Variants in PTPRD observed in about 807,000 individuals in gnomAD.
PTPRD encodes the protein receptor-type tyrosine-protein phosphatase delta.
Under a neutral mutation model 214.5 loss-of-function variants are expected in PTPRD, and 34 were observed. That is an observed-to-expected ratio of 0.16 (90% CI 0.12 to 0.21). PTPRD has a LOEUF of 0.21. Among genes scored for constraint, PTPRD ranks in the 10% least tolerant of loss-of-function variants. PTPRD has a pLI of 1.00. For missense variants in PTPRD, 2,545 were observed against 2,398.7 expected, an observed-to-expected ratio of 1.06 and a Z score of -1.27; for synonymous variants, 1,128 against 845.7, an observed-to-expected ratio of 1.33 and a Z score of -5.79.
chr9:9,177,712 T>C (rs1172850570), intron 10 of PTPRD, among the ~76,000 whole-genome samples: 1 of 152,084 alleles, frequency 6.6e-6, no homozygotes, highest in African/African-American at 2.4e-5. Context: ...GACTTGAAAA[T>C]GATGGATGTA....
intron 9 of PTPRD, among the ~76,000 whole-genome samples, chr9:9,275,066 TTA>T (rs71485092): frequency 3.1e-3 from 226 of 73,020 alleles, no homozygotes; most frequent in South Asian, 9.6e-3. Flanking sequence ...TATATATATA[TTA>T]TATATATATA....
intron 3 of PTPRD, among the ~76,000 whole-genome samples, chr9:10,146,657 T>C (rs2099024693): frequency 1.3e-5 from 2 of 152,206 alleles, no homozygotes; most frequent in Non-Finnish European, 2.9e-5. Flanking sequence ...GTTAAACTTA[T>C]TTGGCTCTAT....
chr9:9,212,908 T>TC (rs2132933134), intron 9 of PTPRD, among the ~76,000 whole-genome samples: 1 of 152,258 alleles, frequency 6.6e-6, no homozygotes, highest in Non-Finnish European at 1.5e-5. Context: ...TCATTTGAAC[T>TC]CCCGTGCCTT....
chr9:10,545,275 T>C (rs963177544), intron 2 of PTPRD, among the ~76,000 whole-genome samples: 1 of 152,168 alleles, frequency 6.6e-6, no homozygotes, highest in Admixed American at 6.6e-5. Flanking sequence ...AGAGAATTCT[T>C]TCCCTTCCCT....
At chr9:10,291,817 G>T (rs572418003) in intron 3 of PTPRD, among the ~76,000 whole-genome samples, 1 of 151,988 alleles carries the variant, frequency 6.6e-6, no homozygotes, top group Non-Finnish European at 1.5e-5. Context: ...GAAGCCAGAG[G>T]AAACTAATGG....
intron 8 of PTPRD, among the ~76,000 whole-genome samples, chr9:9,411,908 C>T (rs1024531710): frequency 6.6e-6 from 1 of 151,882 alleles, no homozygotes; most frequent in African/African-American, 2.4e-5. Context: ...GCAAGAGGGA[C>T]CTGTGGAATC....
chr9:9,095,806 G>A (rs535530796), intron 10 of PTPRD, among the ~76,000 whole-genome samples: 1 of 152,216 alleles, frequency 6.6e-6, no homozygotes, highest in South Asian at 2.1e-4. Flanking sequence ...TCATTCCCAT[G>A]TTCCTTGCAG....
chr9:9,032,311 T>G (rs2099608159), intron 10 of PTPRD, among the ~76,000 whole-genome samples: 1 of 152,096 alleles, frequency 6.6e-6, no homozygotes, highest in South Asian at 2.1e-4. Flanking sequence ...TTTCATGGTG[T>G]GGCATTGCTG....
At chr9:9,372,756 G>A (rs888367357) in intron 9 of PTPRD, among the ~76,000 whole-genome samples, 1 of 152,120 alleles carries the variant, frequency 6.6e-6, no homozygotes. Context: ...GGTACTGGTT[G>A]TTCCTTTCCA....
intron 8 of PTPRD, among the ~76,000 whole-genome samples, chr9:9,478,836 G>T (rs1037867921): frequency 6.6e-6 from 1 of 152,158 alleles, no homozygotes; most frequent in African/African-American, 2.4e-5. Context: ...TCTGTTGGAG[G>T]TAGTTCAAGG....
At chr9:10,025,519 TTTTGCCAAC>T (rs149404947) in intron 4 of PTPRD, among the ~76,000 whole-genome samples, 1,927 of 152,282 alleles carry the variant, frequency 0.013, 18 homozygotes, top group Middle Eastern at 0.024. Context: ...TTTTACCAGA[TTTTGCCAAC>T]TTTCATCATA....
chr9:8,748,522 C>CA (rs1239091825), intron 11 of PTPRD, among the ~76,000 whole-genome samples: 922 of 37,800 alleles, frequency 0.024, 28 homozygotes, highest in African/African-American at 0.037. Flanking sequence ...CCTGCAACTG[C>CA]AAAAAAAAAA....
At chr9:9,031,567 A>G (rs1312885452) in intron 10 of PTPRD, among the ~76,000 whole-genome samples, 2 of 152,190 alleles carry the variant, frequency 1.3e-5, no homozygotes, top group South Asian at 4.1e-4. Flanking sequence ...CTATGACATT[A>G]GGAGAGAGAA....
At chr9:9,154,582 C>T (rs1012705854) in intron 10 of PTPRD, among the ~76,000 whole-genome samples, 4 of 152,138 alleles carry the variant, frequency 2.6e-5, no homozygotes, top group African/African-American at 9.7e-5. Context: ...AAGGACTTAT[C>T]CCCAAATTAT....
intron 3 of PTPRD, among the ~76,000 whole-genome samples, chr9:10,278,764 T>TA (rs2094887292): frequency 6.6e-6 from 1 of 150,870 alleles, no homozygotes; most frequent in Admixed American, 6.8e-5. Context: ...GTAAAAGGTT[T>TA]TTTTTTTGTT....
intron 9 of PTPRD, among the ~76,000 whole-genome samples, chr9:9,387,812 G>A (rs976976250): frequency 2.6e-5 from 4 of 152,108 alleles, no homozygotes; most frequent in South Asian, 2.1e-4. Flanking sequence ...GTGGGGCTCC[G>A]ACCCTATGGC....
chr9:9,817,364 T>C (rs1214922947), intron 5 of PTPRD, among the ~76,000 whole-genome samples: 1 of 152,136 alleles, frequency 6.6e-6, no homozygotes, highest in African/African-American at 2.4e-5. Flanking sequence ...GTCATTCCTG[T>C]AGGTCAGAGT....
At chr9:10,318,777 A>T (rs2096494556) in intron 3 of PTPRD, among the ~76,000 whole-genome samples, 1 of 151,996 alleles carries the variant, frequency 6.6e-6, no homozygotes, top group Non-Finnish European at 1.5e-5. Flanking sequence ...ACATCCAGCC[A>T]TATTTGTCTT....
intron 7 of PTPRD, among the ~76,000 whole-genome samples, chr9:9,654,387 C>A (rs1305908726): frequency 4.6e-5 from 7 of 151,886 alleles, no homozygotes; most frequent in Admixed American, 1.3e-4. Flanking sequence ...ATACACATGT[C>A]TAAGTATGTT....
Sources: gnomAD v4.1 joint callset for allele counts (sites outside exome capture counted in the v4.1 genomes callset) on GRCh38, gnomAD v4.1.1 for gene constraint, MANE v1.5 for transcripts, NCBI Gene and HGNC (gene_info 2026-07-23, HGNC 2026-07-21) for gene names.